ATP8A2: variants seen among roughly 807,000 people sequenced by gnomAD.
ATP8A2 encodes ATPase phospholipid transporting 8A2.
Under a neutral mutation model 165.6 loss-of-function variants are expected in ATP8A2, and 100 were observed. The observed-to-expected ratio is 0.60, with a 90% CI of 0.51 to 0.71. The LOEUF is 0.71. Among genes scored for constraint, ATP8A2 ranks in the 30% least tolerant of loss-of-function variants. The pLI is 0.00. For missense variants in ATP8A2, 1,227 were observed against 1,479.5 expected (o/e 0.83, Z 2.80); for synonymous variants, 543 against 548.8 (o/e 0.99, Z 0.15).
At chr13:25,472,393 CAAA>C (rs71186886) in intron 2 of ATP8A2, among the ~76,000 whole-genome samples, 2 of 93,714 alleles carry the variant, frequency 2.1e-5, no homozygotes, top group Admixed American at 1.3e-4. Flanking sequence ...GACTCCGTCT[CAAA>C]AAAAAAAAAA....
intron 25 of ATP8A2, among the ~76,000 whole-genome samples, chr13:25,719,228 C>A (rs540469761): frequency 6.6e-6 from 1 of 152,314 alleles, no homozygotes; most frequent in African/African-American, 2.4e-5. Flanking sequence ...CAGCCCTGTG[C>A]TGTCTACTCA....
At chr13:25,624,543 C>G (rs2041054299) in intron 24 of ATP8A2, among the ~76,000 whole-genome samples, 1 of 152,150 alleles carries the variant, frequency 6.6e-6, no homozygotes, top group Admixed American at 6.5e-5. Flanking sequence ...TGAATATTTT[C>G]AATGGTGCCT....
In ATP8A2 at chr13:25,896,605, G is replaced by A. The variant is rs539586821; in HGVS notation, c.3183+34197G>A. ...GATATGCTTGTTAACCTTCTGTCTC[G>A]TTGATCTGTCTAATGTTGACAGTGG... is the stretch of plus-strand genomic sequence containing the variant. On this transcript the variant is annotated intron_variant, in intron 33 of 36. Transcript: ENST00000381655. Among the ~76,000 whole-genome samples, 346 of 152,240 alleles carry A rather than the reference G, an allele frequency of 2.3e-3. 1 individual carries two copies. The highest frequency in any genetic ancestry group is 3.7e-3 in the South Asian group (18 of 4,820).
At chr13:26,001,922 G>A (rs1956637460) in intron 35 of ATP8A2, among the ~76,000 whole-genome samples, 1 of 152,122 alleles carries the variant, frequency 6.6e-6, no homozygotes, top group African/African-American at 2.4e-5. Context: ...TTTGGCCATT[G>A]CCAAAGCCAA....
At position 25,779,214 on chromosome 13, in the gene ATP8A2, G is replaced by A. The variant is rs78236798; in HGVS notation, c.2679+4255G>A. On this transcript the variant is annotated intron_variant, in intron 27 of 36. Coordinates refer to ENST00000381655, the MANE Select transcript of ATP8A2 (RefSeq NM_016529.6). ...ATAAGGACAGATTGTATGCTTTGGC[G>A]AGCTTATTGAAGGTTTGAAAAACAA... 5.3e-3 allele frequency among the ~76,000 whole-genome samples: 801 copies of A among 152,134 alleles called. 9 individuals carry two copies. The highest frequency in any genetic ancestry group is 0.019 in the African/African-American group (778 of 41,496).
At chr13:25,622,076 C>T (rs767624486) in intron 24 of ATP8A2, among the ~76,000 whole-genome samples, 4 of 151,898 alleles carry the variant, frequency 2.6e-5, no homozygotes, top group African/African-American at 7.3e-5. Flanking sequence ...CATGGTGGTG[C>T]GCACCTGTAA....
chr13:25,571,647 C>T lies in ATP8A2; in HGVS notation c.1617C>T (p.Gly539=). The change falls in exon 18 of 37, where the codon GGC becomes GGT. Residue 539 remains glycine, a synonymous_variant. Transcript: ENST00000381655. ...TGGTGAAAGGAGCTAAAAAGCTGGG[C>T]TTTGTCTTCACAGCCAGAACACCAT... ...AALVKGAKKL[G]FVFTARTPFS... is the part of the protein sequence containing the mutation. 2 of 1,614,032 alleles carry T rather than the reference C, an allele frequency of 1.2e-6. No individual in the cohort carries two copies. Among genetic ancestry groups the T allele is most frequent in the Non-Finnish European group, 1.7e-6 (2 of 1,179,964 alleles).
At chr13:25,796,802 C>G (rs1328578933) in intron 27 of ATP8A2, among the ~76,000 whole-genome samples, 1 of 152,084 alleles carries the variant, frequency 6.6e-6, no homozygotes, top group African/African-American at 2.4e-5. Context: ...CAGTGTAGTT[C>G]CCATGGTAGT....
At chr13:25,743,991 G>GA (rs1291412363) in intron 25 of ATP8A2, among the ~76,000 whole-genome samples, 2 of 152,142 alleles carry the variant, frequency 1.3e-5, no homozygotes, top group African/African-American at 4.8e-5. Context: ...TACTACTTAT[G>GA]AAAGAAGTAT....
intron 2 of ATP8A2, among the ~76,000 whole-genome samples, chr13:25,506,937 G>GCACATATATATATATATATA (rs1234014087): frequency 1.5e-5 from 1 of 66,418 alleles, no homozygotes; most frequent in Non-Finnish European, 3.3e-5. Context: ...ATACAGTACA[G>GCACATATATATATATATATA]TACATATATA....
Position 25,579,823 on chromosome 13 carries a change from G to A in ATP8A2, c.1883G>A (p.Cys628Tyr), listed in dbSNP as rs1057518996. 2 of 1,612,766 alleles carry A rather than the reference G, an allele frequency of 1.2e-6. No individual in the cohort carries two copies. The highest frequency in any genetic ancestry group is 8.5e-7 in the Non-Finnish European group (1 of 1,179,678). Residue 628 changes from cysteine (C) to tyrosine (Y), a missense_variant, in exon 22 of 37, where the codon TGT (cysteine) becomes TAT (tyrosine). This residue lies in a region of ATP8A2 where 592 missense variants were observed against 785.6 expected (regional missense o/e 0.75). Transcript: ENST00000381655. The stretch of plus-strand genomic sequence containing the variant: ...TGTCTTGCAGGCTTGCGGACTCTCT[G>A]TGTGGCTTATGCTGATCTCTCTGAG... ...YFATEGLRTL[C>Y]VAYADLSENE... is the part of the protein sequence containing the mutation.
chr13:26,010,340 G>T (rs760208765), intron 35 of ATP8A2, among the ~76,000 whole-genome samples: 2 of 152,176 alleles, frequency 1.3e-5, no homozygotes, highest in Non-Finnish European at 2.9e-5. Flanking sequence ...TGGCCAGGGT[G>T]GTTCAGGAGG....
intron 2 of ATP8A2, among the ~76,000 whole-genome samples, chr13:25,525,065 C>T (rs2037799838): frequency 6.6e-6 from 1 of 151,644 alleles, no homozygotes; most frequent in Non-Finnish European, 1.5e-5. Flanking sequence ...GGTTTTTGCA[C>T]TGTGGTCATC....
chr13:25,903,117 AAAAACAAAAC>A (rs964826363), intron 33 of ATP8A2, among the ~76,000 whole-genome samples: 1 of 152,226 alleles, frequency 6.6e-6, no homozygotes, highest in African/African-American at 2.4e-5. Context: ...ACTCCGTCTC[AAAAACAAAAC>A]AAAACGAAAC....
chr13:25,438,464 C>T (rs1032119333), intron 1 of ATP8A2, among the ~76,000 whole-genome samples: 1 of 151,924 alleles, frequency 6.6e-6, no homozygotes, highest in South Asian at 2.1e-4. Context: ...GCAACAGAGA[C>T]CTGCATCTCT....
chr13:25,639,955 A>C (rs2041473039), intron 24 of ATP8A2, among the ~76,000 whole-genome samples: 1 of 152,250 alleles, frequency 6.6e-6, no homozygotes, highest in South Asian at 2.1e-4. Context: ...AAACTCATTC[A>C]AAACTGCTAA....
At chr13:25,559,639 T>G in intron 14 of ATP8A2, 82 bp from the exon 15 acceptor site, 4 of 1,042,490 alleles carry the variant, frequency 3.8e-6, no homozygotes, top group Non-Finnish European at 6.0e-6. Flanking sequence ...ATATCTAATC[T>G]AAGAATTAGA....
chr13:25,881,372 T>C (rs1952973271), intron 33 of ATP8A2, among the ~76,000 whole-genome samples: 1 of 152,214 alleles, frequency 6.6e-6, no homozygotes, highest in African/African-American at 2.4e-5. Flanking sequence ...TCTAACCACA[T>C]CCATGCTGAA....
chr13:25,961,424 CT>C, intron 33 of ATP8A2, 150 bp from the exon 34 acceptor site: 1 of 614,560 alleles, frequency 1.6e-6, no homozygotes, highest in Non-Finnish European at 2.9e-6. Context: ...ATCCGTCCCC[CT>C]GATGGTCCTG....
Sources: allele counts gnomAD v4.1 joint callset (sites outside exome capture counted in the v4.1 genomes callset), GRCh38; gene constraint gnomAD v4.1.1; regional missense constraint gnomAD v4.1.1; transcripts MANE v1.5; gene names NCBI Gene and HGNC (gene_info 2026-07-23, HGNC 2026-07-21).